Variants in CPVL observed in about 807,000 individuals in gnomAD.
CPVL encodes the protein carboxypeptidase vitellogenic like.
A neutral mutation model predicts 63.7 loss-of-function variants in CPVL; 51 were observed. That is an observed-to-expected ratio of 0.80 (90% CI 0.64 to 1.01). CPVL has a LOEUF of 1.01. CPVL is among the 50% of genes least tolerant of loss of function. CPVL has a pLI of 0.00. For synonymous variants in CPVL, 195 were observed against 206.0 expected, an observed-to-expected ratio of 0.95 and a Z score of 0.46; for missense variants, 530 against 573.1, an observed-to-expected ratio of 0.92 and a Z score of 0.77.
At chr7:29,041,457 T>C (rs754243212) in intron 11 of CPVL, among the ~76,000 whole-genome samples, 5 of 152,154 alleles carry the variant, frequency 3.3e-5, no homozygotes, top group African/African-American at 4.8e-5. Flanking sequence ...AGAGGAGGAA[T>C]GTACCCCTGC....
intron 12 of CPVL, among the ~76,000 whole-genome samples, chr7:29,022,640 G>A (rs1297263872): frequency 6.6e-6 from 1 of 152,206 alleles, no homozygotes; most frequent in African/African-American, 2.4e-5. Context: ...GCCCGCACAG[G>A]TTGCCAGTGC....
At chr7:29,009,511 T>C (rs1420061024) in intron 12 of CPVL, 1 of 152,092 alleles carries the variant, frequency 6.6e-6, no homozygotes, top group Admixed American at 6.6e-5. Context: ...CCATCGGCAG[T>C]GGAATGGGTG....
intron 7 of CPVL, among the ~76,000 whole-genome samples, chr7:29,082,030 G>A (rs1288844554): frequency 2.6e-5 from 4 of 152,162 alleles, no homozygotes; most frequent in African/African-American, 9.7e-5. Flanking sequence ...CTGAATTTGT[G>A]CATTTATTTT....
intron 10 of CPVL, among the ~76,000 whole-genome samples, chr7:29,065,121 TA>T (rs5883186): frequency 0.25 from 37,517 of 151,098 alleles, 5,223 homozygotes; most frequent in East Asian, 0.63. Flanking sequence ...GTAAATGCTT[TA>T]AAAAAAAAAC....
intron 12 of CPVL, among the ~76,000 whole-genome samples, chr7:28,997,822 A>G (rs1046051270): frequency 2.6e-5 from 4 of 152,270 alleles, no homozygotes; most frequent in African/African-American, 9.6e-5. Context: ...TATTGCAGAT[A>G]TAAACATAAT....
rs1340605383 is a variant in CPVL, at chr7:29,020,500, A to G, written c.1320+10077T>C. Among the ~76,000 whole-genome samples the G allele has an allele frequency of 1.3e-5, 2 of 152,238 alleles. 1 individual carries two copies. Among genetic ancestry groups the G allele is most frequent in the East Asian group, 3.8e-4 (2 of 5,198 alleles). The stretch of plus-strand genomic sequence containing the variant: ...AATCCAGGGTAATAATAATAAAAAT[A>G]AAAATAGCAAAATTTACTATGAGCC... On this transcript the variant is annotated intron_variant, in intron 12 of 12. Transcript: ENST00000265394.
intron 7 of CPVL, among the ~76,000 whole-genome samples, chr7:29,084,234 C>T (rs1215848390): frequency 6.6e-6 from 1 of 152,194 alleles, no homozygotes; most frequent in Non-Finnish European, 1.5e-5. Context: ...CCACTGGCCT[C>T]TTTCTGCTCA....
At chr7:29,088,742 C>T (rs921314403) in intron 6 of CPVL, among the ~76,000 whole-genome samples, 2 of 151,986 alleles carry the variant, frequency 1.3e-5, no homozygotes, top group Non-Finnish European at 2.9e-5. Flanking sequence ...TGTGGGAGGC[C>T]GAGGCGGGCA....
chr7:29,025,499 C>A (rs903190394), intron 12 of CPVL, among the ~76,000 whole-genome samples: 12 of 152,158 alleles, frequency 7.9e-5, no homozygotes, highest in Non-Finnish European at 1.8e-4. Flanking sequence ...CCCCATCACA[C>A]AATCACCTCC....
intron 1 of CPVL, among the ~76,000 whole-genome samples, chr7:29,124,394 A>G (rs1789756537): frequency 6.6e-6 from 1 of 152,180 alleles, no homozygotes; most frequent in African/African-American, 2.4e-5. Context: ...CTTCTTAATA[A>G]ATGTTTAGAA....
chr7:29,052,953 AAAAC>A (rs1790348486), intron 11 of CPVL, among the ~76,000 whole-genome samples: 1 of 152,134 alleles, frequency 6.6e-6, no homozygotes, highest in Admixed American at 6.6e-5. Context: ...TCAATAATAA[AAAAC>A]AAATAACCCA....
At chr7:29,119,891 T>C (rs1789186338) in intron 2 of CPVL, among the ~76,000 whole-genome samples, 1 of 152,132 alleles carries the variant, frequency 6.6e-6, no homozygotes, top group Non-Finnish European at 1.5e-5. Context: ...ATGTGTAAAA[T>C]GGGTCCACCT....
intron 6 of CPVL, among the ~76,000 whole-genome samples, chr7:29,091,896 CAG>C (rs1306243248): frequency 1.3e-5 from 2 of 152,146 alleles, no homozygotes; most frequent in African/African-American, 2.4e-5. Flanking sequence ...TAGTAATTAA[CAG>C]AGTGCTTGGT....
chr7:29,109,547 A>G (rs925121776), intron 3 of CPVL, among the ~76,000 whole-genome samples: 1 of 152,152 alleles, frequency 6.6e-6, no homozygotes, highest in Non-Finnish European at 1.5e-5. Context: ...GTGTGACTCC[A>G]TAATTTATAG....
chr7:29,161,795 T>C (rs1161008078), intron 5 of CPVL, among the ~76,000 whole-genome samples: 1 of 152,238 alleles, frequency 6.6e-6, no homozygotes. Context: ...AAGATTTATC[T>C]ATAGAATATA....
At chr7:29,004,290 T>C (rs1041999205) in intron 12 of CPVL, among the ~76,000 whole-genome samples, 5 of 152,196 alleles carry the variant, frequency 3.3e-5, no homozygotes, top group African/African-American at 1.2e-4. Context: ...GAAGAAATCT[T>C]GTGATACGTT....
intron 1 of CPVL, among the ~76,000 whole-genome samples, chr7:29,123,711 T>G (rs1789676920): frequency 2.7e-5 from 1 of 36,770 alleles, no homozygotes; most frequent in Non-Finnish European, 4.3e-5. Flanking sequence ...GTTTTTGTTT[T>G]TTTTTTTTCC....
At chr7:29,033,785 G>T (rs1408343254) in intron 11 of CPVL, among the ~76,000 whole-genome samples, 2 of 152,156 alleles carry the variant, frequency 1.3e-5, no homozygotes, top group Non-Finnish European at 2.9e-5. Flanking sequence ...TTCCTTTCTG[G>T]TCAGCTGTAG....
At chr7:29,124,998 T>G (rs1264849692) in intron 1 of CPVL, 1 of 152,168 alleles carries the variant, frequency 6.6e-6, no homozygotes, top group Non-Finnish European at 1.5e-5. Flanking sequence ...TAACATTCTG[T>G]TAAGATATGT....
Sources: gnomAD v4.1 joint callset for allele counts (sites outside exome capture counted in the v4.1 genomes callset) on GRCh38, gnomAD v4.1.1 for gene constraint, MANE v1.5 for transcripts, NCBI Gene and HGNC (gene_info 2026-07-23, HGNC 2026-07-21) for gene names.